CCDC6: variants seen among roughly 807,000 people sequenced by gnomAD.
CCDC6 encodes the protein coiled-coil domain-containing protein 6.
In CCDC6, 20 loss-of-function variants were observed where a neutral mutation model predicts 56.6. That is an observed-to-expected ratio of 0.35 (90% CI 0.25 to 0.51). The LOEUF (loss-of-function observed/expected upper bound fraction) is 0.51. Among genes scored for constraint, CCDC6 ranks in the 20% least tolerant of loss-of-function variants. The probability of loss-of-function intolerance (pLI) is 0.95; values close to 1 mark genes in which losing one functional copy is unlikely to be tolerated. For missense variants in CCDC6, 367 were observed against 601.1 expected (o/e 0.61, Z 4.07); for synonymous variants, 241 against 234.4 (o/e 1.03, Z -0.26).
At chr10:59,853,038 T>C (rs1197922495) in intron 1 of CCDC6, among the ~76,000 whole-genome samples, 2 of 149,456 alleles carry the variant, frequency 1.3e-5, no homozygotes, top group Non-Finnish European at 3.0e-5. Flanking sequence ...ATCCTTCTAA[T>C]GTAGCAGACG....
intron 7 of CCDC6, among the ~76,000 whole-genome samples, chr10:59,801,418 C>T (rs564128237): frequency 6.6e-6 from 1 of 152,316 alleles, no homozygotes; most frequent in South Asian, 2.1e-4. Context: ...CACTGATCTC[C>T]ACTCCTAATT....
chr10:59,823,987 A>T (rs1390251498), intron 3 of CCDC6, among the ~76,000 whole-genome samples: 1 of 152,236 alleles, frequency 6.6e-6, no homozygotes, highest in African/African-American at 2.4e-5. Flanking sequence ...GATGCACATC[A>T]TTGGATCATG....
intron 6 of CCDC6, chr10:59,804,969 C>G (rs2070608070): frequency 5.7e-6 from 1 of 174,968 alleles, no homozygotes; most frequent in Admixed American, 5.5e-5. Flanking sequence ...GATACTTATT[C>G]CTATGAACTG....
At chr10:59,837,606 C>T (rs1043106408) in intron 2 of CCDC6, among the ~76,000 whole-genome samples, 4 of 151,844 alleles carry the variant, frequency 2.6e-5, no homozygotes, top group East Asian at 1.9e-4. Flanking sequence ...ATTAGCCAGG[C>T]GTGGTGGCAT....
At chr10:59,859,521 T>A (rs1354117231) in intron 1 of CCDC6, among the ~76,000 whole-genome samples, 2 of 152,174 alleles carry the variant, frequency 1.3e-5, no homozygotes, top group Admixed American at 1.3e-4. Context: ...TTAAAATAAA[T>A]GTTTAGATTC....
chr10:59,789,180 A>G lies in CCDC6; in HGVS notation c.*3737T>C, dbSNP rs1196159882. On this transcript the variant is annotated 3_prime_UTR_variant, in exon 9 of 9. Coordinates refer to ENST00000263102, the MANE Select transcript of CCDC6 (RefSeq NM_005436.5). ...CTTTGTTTTTGCCAGGATGAAGTTC[A>G]GACCGAGATGTACAATACAATCTAG... is the stretch of plus-strand genomic sequence containing the variant. 1 of 230,662 alleles carries G rather than the reference A, an allele frequency of 4.3e-6. No homozygotes were observed. The highest frequency in any genetic ancestry group is 5.7e-5 in the Admixed American group (1 of 17,684). The allele number at this position is 230,662 out of a possible 1,614,324, so 14.3% of individuals were successfully genotyped here.
intron 1 of CCDC6, among the ~76,000 whole-genome samples, chr10:59,891,444 A>C (rs2071421526): frequency 6.6e-6 from 1 of 152,212 alleles, no homozygotes. Context: ...GAAAGAATAC[A>C]CTGTACTTAT....
chr10:59,844,525 AGATCACTTGTGGTCAG>A (rs1461741972), intron 2 of CCDC6, among the ~76,000 whole-genome samples: 1 of 151,590 alleles, frequency 6.6e-6, no homozygotes, highest in Non-Finnish European at 1.5e-5. Flanking sequence ...TTAGGCAGGC[AGATCACTTGTGGTCAG>A]GAATCCAAGA....
intron 2 of CCDC6, among the ~76,000 whole-genome samples, chr10:59,842,337 G>A (rs543405598): frequency 3.9e-4 from 59 of 152,220 alleles, no homozygotes; most frequent in East Asian, 7.7e-4. Context: ...GTGAGCCACC[G>A]TGCCTGGCCT....
chr10:59,872,783 G>A (rs933054279), intron 1 of CCDC6, among the ~76,000 whole-genome samples: 1 of 113,074 alleles, frequency 8.8e-6, no homozygotes, highest in African/African-American at 2.8e-5. Flanking sequence ...TCCAGATGGG[G>A]GGGTGGGGGA....
chr10:59,852,038 T>C (rs575206247), intron 2 of CCDC6, among the ~76,000 whole-genome samples: 14 of 152,324 alleles, frequency 9.2e-5, no homozygotes, highest in African/African-American at 2.4e-4. Context: ...TGAGTTTTAA[T>C]AGCAGTCTGA....
chr10:59,795,658 GTTA>G (rs1265412650), intron 7 of CCDC6, among the ~76,000 whole-genome samples: 3 of 126,536 alleles, frequency 2.4e-5, no homozygotes, highest in African/African-American at 6.2e-5. Context: ...AGAGTGTGAT[GTTA>G]TTCCCCTTCC....
intron 3 of CCDC6, among the ~76,000 whole-genome samples, chr10:59,822,779 C>T (rs1012963756): frequency 1.8e-4 from 27 of 152,088 alleles, no homozygotes; most frequent in Non-Finnish European, 3.7e-4. Flanking sequence ...AAAACCCCAT[C>T]CTCAAGCCAA....
At chr10:59,854,077 C>T (rs921502170) in intron 1 of CCDC6, among the ~76,000 whole-genome samples, 3 of 152,236 alleles carry the variant, frequency 2.0e-5, no homozygotes, top group African/African-American at 7.2e-5. Flanking sequence ...GGAAGAGCCA[C>T]ATGAATTCCA....
chr10:59,896,045 A>G (rs2071460429), intron 1 of CCDC6, among the ~76,000 whole-genome samples: 1 of 152,190 alleles, frequency 6.6e-6, no homozygotes. Flanking sequence ...TGCACACTCC[A>G]CGGGGAGAGG....
intron 1 of CCDC6, among the ~76,000 whole-genome samples, chr10:59,862,253 G>A (rs1443885400): frequency 1.3e-5 from 2 of 151,944 alleles, no homozygotes; most frequent in Admixed American, 6.6e-5. Flanking sequence ...GTGTGACCCC[G>A]AGGCAGGTGG....
chr10:59,879,810 A>T (rs2071317631), intron 1 of CCDC6, among the ~76,000 whole-genome samples: 9 of 151,912 alleles, frequency 5.9e-5, no homozygotes, highest in Admixed American at 5.9e-4. Context: ...TCTTTCTAAC[A>T]CCCCTTTCTG....
intron 1 of CCDC6, among the ~76,000 whole-genome samples, chr10:59,877,125 G>A (rs556935299): frequency 1.3e-4 from 20 of 152,242 alleles, no homozygotes; most frequent in Admixed American, 3.9e-4. Flanking sequence ...ACAGTCCATC[G>A]CAGACTTAAA....
intron 3 of CCDC6, among the ~76,000 whole-genome samples, chr10:59,824,676 AAAG>A (rs1279008002): frequency 6.7e-6 from 1 of 149,388 alleles, no homozygotes; most frequent in African/African-American, 2.5e-5. Flanking sequence ...GAGGAAGAGA[AAAG>A]AGGAGGAGGA....
Sources: gnomAD v4.1 joint callset for allele counts (sites outside exome capture counted in the v4.1 genomes callset) on GRCh38, gnomAD v4.1.1 for gene constraint, MANE v1.5 for transcripts, NCBI Gene and HGNC (gene_info 2026-07-23, HGNC 2026-07-21) for gene names.